The following DCDC2 variants were observed in gnomAD, a reference collection of about 807,000 sequenced individuals.
DCDC2 encodes doublecortin domain-containing protein 2.
In DCDC2, 40 loss-of-function variants were observed where a neutral mutation model predicts 50.2. The observed-to-expected ratio is 0.80, with a 90% CI of 0.62 to 1.04. DCDC2 has a LOEUF of 1.04. Among genes scored for constraint, DCDC2 ranks in the 50% least tolerant of loss-of-function variants. DCDC2 has a pLI of 0.00. For synonymous variants in DCDC2, 234 were observed against 210.6 expected, an observed-to-expected ratio of 1.11 and a Z score of -0.96; for missense variants, 570 against 581.9, an observed-to-expected ratio of 0.98 and a Z score of 0.21.
chr6:24,377,470 A>G, the DCDC2 span, among the ~76,000 whole-genome samples: 1 of 152,200 alleles, frequency 6.6e-6, no homozygotes, highest in Non-Finnish European at 1.5e-5. Flanking sequence ...ATTTGTATCT[A>G]TTTCATAAAG....
upstream of DCDC2, among the ~76,000 whole-genome samples, chr6:24,362,901 CT>C (rs1290619419): frequency 6.6e-6 from 1 of 152,172 alleles, no homozygotes; most frequent in Non-Finnish European, 1.5e-5. Context: ...CAGATGCTTG[CT>C]GAATTGGTTT....
intron 8 of DCDC2, among the ~76,000 whole-genome samples, chr6:24,191,946 G>A (rs1488298332): frequency 1.3e-5 from 2 of 152,154 alleles, no homozygotes; most frequent in Non-Finnish European, 2.9e-5. Flanking sequence ...GCAAGCCTTT[G>A]CGTGCTTAAA....
intron 7 of DCDC2, among the ~76,000 whole-genome samples, chr6:24,241,385 G>A (rs1040736376): frequency 5.9e-5 from 9 of 152,112 alleles, no homozygotes; most frequent in African/African-American, 2.2e-4. Context: ...ACATGACTAT[G>A]TTTCAATATT....
In DCDC2 at chr6:24,327,046, C is replaced by T. The variant is rs531521094; in HGVS notation, c.349-25002G>A. On this transcript the variant is annotated intron_variant, in intron 2 of 9. Transcript: ENST00000378454. Reference sequence around the variant, plus strand: ...TCAGCACCTGGCAAATTGGAGGCAACAAATGTCTATGGATCCCTCTGTAAC... The same window carrying T: ...TCAGCACCTGGCAAATTGGAGGCAATAAATGTCTATGGATCCCTCTGTAAC... Among the ~76,000 whole-genome samples the T allele has an allele frequency of 1.4e-4, 21 of 149,172 alleles. 2 individuals carry two copies. Among genetic ancestry groups the T allele is most frequent in the Non-Finnish European group, 2.4e-4 (16 of 67,148 alleles).
At chr6:24,307,046 C>T (rs1314384443) in intron 2 of DCDC2, among the ~76,000 whole-genome samples, 1 of 152,098 alleles carries the variant, frequency 6.6e-6, no homozygotes, top group Non-Finnish European at 1.5e-5. Flanking sequence ...TTACATGAGC[C>T]AATTCAACAC....
intron 8 of DCDC2, among the ~76,000 whole-genome samples, chr6:24,201,216 C>T (rs543949846): frequency 6.6e-6 from 1 of 152,284 alleles, no homozygotes; most frequent in East Asian, 1.9e-4. Context: ...CTCAGCACCA[C>T]ATCACACTTA....
Position 24,190,900 on chromosome 6 carries a change from G to C in DCDC2, c.1024-12268C>G, listed in dbSNP as rs111267918. ...GAAGGTTGAGTGGCCCTCAGAATAT[G>C]TTGCCATTTATGGGCTAATTAGAAG... On this transcript the variant is annotated intron_variant, in intron 8 of 9. Coordinates refer to ENST00000378454, the MANE Select transcript of DCDC2 (RefSeq NM_016356.5). 3.2e-4 allele frequency among the ~76,000 whole-genome samples: 49 copies of C among 152,276 alleles called. 1 individual carries two copies. Among genetic ancestry groups the C allele is most frequent in the African/African-American group, 1.1e-3 (47 of 41,556 alleles).
At chr6:24,242,947 G>C (rs1184686439) in intron 7 of DCDC2, among the ~76,000 whole-genome samples, 1 of 135,836 alleles carries the variant, frequency 7.4e-6, no homozygotes, top group Non-Finnish European at 1.6e-5. Flanking sequence ...GGGAAACAGA[G>C]CAAGATCTCA....
intron 7 of DCDC2, among the ~76,000 whole-genome samples, chr6:24,231,493 T>C (rs903175957): frequency 6.1e-4 from 93 of 152,276 alleles, no homozygotes; most frequent in African/African-American, 2.1e-3. Context: ...GATATACACC[T>C]GTTTCTGGAC....
chr6:24,370,625 G>A, the DCDC2 span, among the ~76,000 whole-genome samples: 1 of 152,156 alleles, frequency 6.6e-6, no homozygotes, highest in Non-Finnish European at 1.5e-5. Context: ...CAAGAGGATT[G>A]CTCGGGCCTG....
At chr6:24,299,760 T>A (rs181583444) in intron 4 of DCDC2, among the ~76,000 whole-genome samples, 80 of 151,040 alleles carry the variant, frequency 5.3e-4, no homozygotes, top group African/African-American at 1.2e-3. Context: ...CGAAAAAAAA[T>A]TTTTTTTAAT....
intron 2 of DCDC2, among the ~76,000 whole-genome samples, chr6:24,342,949 G>A (rs529053972): frequency 1.3e-5 from 2 of 151,824 alleles, no homozygotes; most frequent in African/African-American, 4.8e-5. Context: ...TCTTTAGAGA[G>A]TCCTCCTACA....
intron 7 of DCDC2, among the ~76,000 whole-genome samples, chr6:24,213,926 T>C (rs1424584050): frequency 6.6e-6 from 1 of 152,178 alleles, no homozygotes; most frequent in Non-Finnish European, 1.5e-5. Flanking sequence ...GCTAATGTTC[T>C]GAGTGCCTCT....
chr6:24,179,626 C>G (rs1761012627), intron 8 of DCDC2, among the ~76,000 whole-genome samples: 2 of 143,854 alleles, frequency 1.4e-5, no homozygotes, highest in Non-Finnish European at 3.0e-5. Context: ...TTTCACTGTT[C>G]TACTGTTATT....
chr6:24,239,160 G>A (rs891130793), intron 7 of DCDC2, among the ~76,000 whole-genome samples: 3 of 152,140 alleles, frequency 2.0e-5, no homozygotes, highest in Non-Finnish European at 4.4e-5. Flanking sequence ...GTCCAGTCAG[G>A]GAGGCAGATT....
In DCDC2 at chr6:24,203,807, C is replaced by T. The variant is rs1309662373; in HGVS notation, c.1023+1195G>A. Among the ~76,000 whole-genome samples, 3 of 150,428 alleles carry T rather than the reference C, an allele frequency of 2.0e-5. No homozygotes were observed. In the East Asian group the frequency reaches 6.0e-4, roughly 30 times the overall value. Reference sequence around the variant, plus strand: ...ATTTACAAGAAAAAAAACAAACAAACCCATCAAAAAGTGGGCAAAGGATAT... The same window carrying T: ...ATTTACAAGAAAAAAAACAAACAAATCCATCAAAAAGTGGGCAAAGGATAT... On this transcript the variant is annotated intron_variant, in intron 8 of 9. Coordinates refer to ENST00000378454, the MANE Select transcript of DCDC2 (RefSeq NM_016356.5).
intron 6 of DCDC2, among the ~76,000 whole-genome samples, chr6:24,282,061 C>G (rs1714273075): frequency 6.6e-6 from 1 of 152,110 alleles, no homozygotes; most frequent in African/African-American, 2.4e-5. Flanking sequence ...AATCAAGAAG[C>G]AGCCTAATTT....
At chr6:24,281,487 G>GAAAAAAAAAAAAAAAAAAAAAAAAAAAAA (rs59842458) in intron 6 of DCDC2, among the ~76,000 whole-genome samples, 1 of 83,782 alleles carries the variant, frequency 1.2e-5, no homozygotes. Flanking sequence ...ATGCTTTTAA[G>GAAAAAAAAAAAAAAAAAAAAAAAAAAAAA]AAAAAAAAAA....
At chr6:24,350,620 T>C (rs1224447018) in intron 2 of DCDC2, among the ~76,000 whole-genome samples, 1 of 152,144 alleles carries the variant, frequency 6.6e-6, no homozygotes, top group Non-Finnish European at 1.5e-5. Context: ...TCATCCCTCA[T>C]AATGACACAT....
Sources: gnomAD v4.1 joint callset for allele counts (sites outside exome capture counted in the v4.1 genomes callset) on GRCh38, gnomAD v4.1.1 for gene constraint, MANE v1.5 for transcripts, NCBI Gene and HGNC (gene_info 2026-07-23, HGNC 2026-07-21) for gene names.